Variants in CPA6 observed in about 807,000 individuals in gnomAD.
CPA6 encodes the protein carboxypeptidase A6.
In CPA6, 58 loss-of-function variants were observed where a neutral mutation model predicts 63.3. The observed-to-expected ratio is 0.92, with a 90% CI of 0.74 to 1.14. The LOEUF is 1.14. Ranked by LOEUF, CPA6 falls within the 50% of genes most tolerant of loss-of-function variation. The probability of loss-of-function intolerance (pLI) is 0.00; values close to 1 mark genes in which losing one functional copy is unlikely to be tolerated. For synonymous variants in CPA6, 185 were observed against 179.0 expected, an observed-to-expected ratio of 1.03 and a Z score of -0.27; for missense variants, 565 against 526.6, an observed-to-expected ratio of 1.07 and a Z score of -0.71.
At chr8:67,470,792 A>G (rs957226814) in intron 8 of CPA6, among the ~76,000 whole-genome samples, 1 of 152,198 alleles carries the variant, frequency 6.6e-6, no homozygotes, top group African/African-American at 2.4e-5. Flanking sequence ...ATACAATTCA[A>G]TGTGGTATAT....
chr8:67,485,495 T>C (rs1457142401), intron 6 of CPA6, among the ~76,000 whole-genome samples: 1 of 152,200 alleles, frequency 6.6e-6, no homozygotes, highest in Non-Finnish European at 1.5e-5. Context: ...GTGAGATATG[T>C]TAATTTGTGA....
At chr8:67,525,011 C>A (rs540460917) in intron 2 of CPA6, among the ~76,000 whole-genome samples, 1 of 152,306 alleles carries the variant, frequency 6.6e-6, no homozygotes, top group African/African-American at 2.4e-5. Flanking sequence ...ACCGTAGTCA[C>A]ACAGTTAAAG....
At chr8:67,646,603 T>C (rs765298735) in intron 1 of CPA6, among the ~76,000 whole-genome samples, 1 of 152,144 alleles carries the variant, frequency 6.6e-6, no homozygotes, top group Non-Finnish European at 1.5e-5. Context: ...TATAACATCA[T>C]TTTAGGTAGT....
intron 2 of CPA6, among the ~76,000 whole-genome samples, chr8:67,545,629 G>A (rs573696688): frequency 9.0e-5 from 12 of 132,676 alleles, no homozygotes; most frequent in Admixed American, 3.8e-4. Context: ...GTACAATGGC[G>A]TGATCTCGGC....
At chr8:67,536,576 T>C (rs1401771595) in intron 2 of CPA6, among the ~76,000 whole-genome samples, 1 of 152,244 alleles carries the variant, frequency 6.6e-6, no homozygotes, top group Non-Finnish European at 1.5e-5. Context: ...AAGTTGCTTA[T>C]CAGCTTAAGG....
At chr8:67,513,467 TG>T (rs1256038387) in intron 3 of CPA6, among the ~76,000 whole-genome samples, 1 of 152,120 alleles carries the variant, frequency 6.6e-6, no homozygotes, top group Non-Finnish European at 1.5e-5. Context: ...TTATTTCTCC[TG>T]GCTACTTTTT....
intron 2 of CPA6, among the ~76,000 whole-genome samples, chr8:67,614,396 T>C (rs1223004194): frequency 4.6e-5 from 7 of 152,200 alleles, no homozygotes; most frequent in African/African-American, 1.7e-4. Flanking sequence ...GTCACCAGGA[T>C]GGCCCCTACT....
At chr8:67,481,173 G>C (rs922758412) in intron 8 of CPA6, among the ~76,000 whole-genome samples, 3 of 152,144 alleles carry the variant, frequency 2.0e-5, no homozygotes, top group Non-Finnish European at 4.4e-5. Context: ...ATTAAGTATG[G>C]ATATTATCCA....
At chr8:67,707,941 T>G (rs1817171391) in intron 1 of CPA6, among the ~76,000 whole-genome samples, 1 of 151,750 alleles carries the variant, frequency 6.6e-6, no homozygotes, top group South Asian at 2.1e-4. Context: ...CAAATTTGAC[T>G]TATAGAGCCA....
At chr8:67,728,261 G>T (rs1176740731) in intron 1 of CPA6, among the ~76,000 whole-genome samples, 1 of 152,064 alleles carries the variant, frequency 6.6e-6, no homozygotes, top group East Asian at 1.9e-4. Context: ...CCTCTATGAA[G>T]AAGAGTATAT....
chr8:67,508,268 C>A (rs1384375132), intron 5 of CPA6, among the ~76,000 whole-genome samples: 1 of 151,904 alleles, frequency 6.6e-6, no homozygotes, highest in African/African-American at 2.4e-5. Context: ...AAAAAATGGT[C>A]AGCTTTTGGT....
intron 2 of CPA6, among the ~76,000 whole-genome samples, chr8:67,581,784 T>C (rs1813779934): frequency 6.6e-6 from 1 of 152,194 alleles, no homozygotes; most frequent in Non-Finnish European, 1.5e-5. Context: ...TTATGCTTTG[T>C]TGTTTGGACA....
intron 1 of CPA6, among the ~76,000 whole-genome samples, chr8:67,700,514 T>TCG (rs1380419605): frequency 8.6e-6 from 1 of 116,680 alleles, no homozygotes; most frequent in Non-Finnish European, 1.7e-5. Context: ...TTTTGGTATT[T>TCG]TGGGGAGACA....
intron 2 of CPA6, among the ~76,000 whole-genome samples, chr8:67,555,945 A>G (rs1218827929): frequency 1.3e-5 from 2 of 152,136 alleles, no homozygotes; most frequent in Non-Finnish European, 1.5e-5. Context: ...GTAAGGAACT[A>G]TGAGTCCCTG....
rs750912651 is a variant in CPA6, at chr8:67,483,871, A to G, written c.748-13T>C. ...TCCAAAATCGATCCTAGACATAATTAAGAAAACAGGTGCTGAGAAAAATAC... is the reference window on the plus strand; with the variant it reads ...TCCAAAATCGATCCTAGACATAATTGAGAAAACAGGTGCTGAGAAAAATAC... On this transcript the variant is annotated splice_polypyrimidine_tract_variant and intron_variant, in intron 7 of 10. Coordinates refer to ENST00000297770, the MANE Select transcript of CPA6 (RefSeq NM_020361.5). The G allele has an allele frequency of 1.1e-5, 18 of 1,602,900 alleles. No homozygotes were observed. Among genetic ancestry groups the G allele is most frequent in the Non-Finnish European group, 1.5e-5 (18 of 1,169,916 alleles).
intron 1 of CPA6, among the ~76,000 whole-genome samples, chr8:67,684,011 A>G (rs968799138): frequency 7.0e-6 from 1 of 142,584 alleles, no homozygotes; most frequent in African/African-American, 2.5e-5. Flanking sequence ...GTATATATAT[A>G]TATATATATA....
chr8:67,737,582 G>A (rs1817838143), intron 1 of CPA6, among the ~76,000 whole-genome samples: 1 of 152,130 alleles, frequency 6.6e-6, no homozygotes, highest in South Asian at 2.1e-4. Context: ...GAGGCACAAG[G>A]ATCCCAGGGT....
At chr8:67,430,171 GTA>G (rs1186366549) in intron 9 of CPA6, among the ~76,000 whole-genome samples, 1,720 of 104,844 alleles carry the variant, frequency 0.016, 19 homozygotes, top group African/African-American at 0.035. Context: ...GTGTGTGTGT[GTA>G]TATATTTTGT....
At chr8:67,477,841 C>T (rs1212425221) in intron 8 of CPA6, among the ~76,000 whole-genome samples, 5 of 152,222 alleles carry the variant, frequency 3.3e-5, no homozygotes, top group African/African-American at 1.2e-4. Flanking sequence ...TTTCCCTGAG[C>T]TTACCTTGAA....
Sources: gnomAD v4.1 joint callset for allele counts (sites outside exome capture counted in the v4.1 genomes callset) on GRCh38, gnomAD v4.1.1 for gene constraint, MANE v1.5 for transcripts, NCBI Gene and HGNC (gene_info 2026-07-23, HGNC 2026-07-21) for gene names.